Variants in REV1 observed in about 807,000 individuals in gnomAD.
REV1 encodes REV1 DNA directed polymerase.
A neutral mutation model predicts 137.4 loss-of-function variants in REV1; 42 were observed. That is an observed-to-expected ratio of 0.31 (90% CI 0.24 to 0.40). The LOEUF is 0.40. Ranked by LOEUF, REV1 falls within the 10% of genes least tolerant of loss-of-function variation. The pLI is 1.00. For missense variants in REV1, 1,282 were observed against 1,490.1 expected (o/e 0.86, Z 2.30); for synonymous variants, 524 against 519.2 (o/e 1.01, Z -0.12).
At chr2:99,438,533 T>C in intron 6 of REV1, 68 bp downstream of exon 6, 4 of 1,190,046 alleles carry the variant, frequency 3.4e-6, no homozygotes, top group African/African-American at 1.5e-5. Flanking sequence ...GAAATACCAA[T>C]AATAGCATAA....
intron 8 of REV1, 61 bp downstream of exon 8, chr2:99,434,271 A>T: frequency 9.2e-7 from 1 of 1,089,766 alleles, no homozygotes; most frequent in Middle Eastern, 2.1e-4. Context: ...ACCATGCCAA[A>T]TAGCAAAATC....
intron 12 of REV1, among the ~76,000 whole-genome samples, chr2:99,413,981 C>T (rs1262855536): frequency 6.6e-6 from 1 of 151,950 alleles, no homozygotes; most frequent in East Asian, 1.9e-4. Flanking sequence ...TGAGGTAGAC[C>T]GTCTCTATAA....
intron 9 of REV1, among the ~76,000 whole-genome samples, chr2:99,425,896 A>G (rs1048475919): frequency 6.6e-5 from 10 of 151,754 alleles, no homozygotes; most frequent in African/African-American, 2.4e-4. Flanking sequence ...ATTAGCGAGA[A>G]GTGGTGGCGC....
intron 4 of REV1, among the ~76,000 whole-genome samples, chr2:99,442,935 T>C (rs921258073): frequency 1.3e-5 from 2 of 152,238 alleles, no homozygotes; most frequent in African/African-American, 4.8e-5. Flanking sequence ...CATTTGAAGA[T>C]ATGAACTCTA....
chr2:99,419,407 TCA>T (rs1221075963), intron 11 of REV1, among the ~76,000 whole-genome samples: 2 of 152,058 alleles, frequency 1.3e-5, no homozygotes, highest in South Asian at 2.1e-4. Context: ...AGACGGGGTT[TCA>T]CCATGTTAGC....
rs1246978640 is a variant in REV1, at chr2:99,460,169, C to T, written c.181+2327G>A. ...TCGGCTCACTTCAACCTCCGCCTCCCGGGTTCAAGTGATTCTCCTGCCTCA... is the reference window on the plus strand; with the variant it reads ...TCGGCTCACTTCAACCTCCGCCTCCTGGGTTCAAGTGATTCTCCTGCCTCA... On this transcript the variant is annotated intron_variant, in intron 3 of 22. Coordinates refer to ENST00000258428, the MANE Select transcript of REV1 (RefSeq NM_016316.4). 2.6e-5 allele frequency among the ~76,000 whole-genome samples: 4 copies of T among 152,162 alleles called. No homozygotes were observed. The South Asian group carries it at 6.2e-4, about 24-fold the overall frequency.
At chr2:99,459,396 A>T (rs998883170) in intron 3 of REV1, among the ~76,000 whole-genome samples, 2 of 151,710 alleles carry the variant, frequency 1.3e-5, no homozygotes, top group African/African-American at 4.8e-5. Context: ...ACAATTATCT[A>T]AAAAAAAATT....
At chr2:99,488,939 A>C (rs1248761203) in intron 1 of REV1, among the ~76,000 whole-genome samples, 2 of 152,226 alleles carry the variant, frequency 1.3e-5, no homozygotes, top group Non-Finnish European at 2.9e-5. Context: ...AACCATTTCT[A>C]CTTAGTACAT....
chr2:99,436,634 T>A (rs1377938393), intron 6 of REV1: 5 of 152,222 alleles, frequency 3.3e-5, no homozygotes, highest in African/African-American at 1.2e-4. Flanking sequence ...GAGATAAAGG[T>A]GAGTGTCCTC....
chr2:99,426,274 G>A (rs1443016793), intron 9 of REV1, among the ~76,000 whole-genome samples: 11 of 148,996 alleles, frequency 7.4e-5, no homozygotes, highest in Admixed American at 6.7e-4. Flanking sequence ...TTGAACCTGG[G>A]AGGTGGAGGT....
intron 19 of REV1, 155 bp downstream of exon 19, chr2:99,403,540 T>TG (rs1407904826): frequency 2.1e-5 from 19 of 889,392 alleles, no homozygotes; most frequent in Non-Finnish European, 3.3e-5. Flanking sequence ...TATGATGATA[T>TG]TTACTCATAC....
In REV1 at chr2:99,402,993, G is replaced by C; in HGVS notation, c.3280C>G (p.Leu1094Val). 1.2e-6 allele frequency: 2 copies of C among 1,614,136 alleles called. No homozygotes were observed. The highest frequency in any genetic ancestry group is 1.6e-4 in the Middle Eastern group (1 of 6,062). Residue 1094 changes from leucine (L) to valine (V), a missense_variant, in exon 20 of 23, where the codon CTG (leucine) becomes GTG (valine). Transcript: ENST00000258428. ...KRIQSPLNNK[L>V]LNSPAKTLPG... ...AGAGTTTTTGCAGGACTGTTAAGCA[G>C]CTTGTTATTCAAAGGACTCTGAATC...
At chr2:99,483,013 G>A (rs1189049545) in intron 1 of REV1, among the ~76,000 whole-genome samples, 3 of 103,652 alleles carry the variant, frequency 2.9e-5, no homozygotes, top group South Asian at 3.1e-4. Flanking sequence ...GCAAAACTCC[G>A]TTTCAAAAAA....
chr2:99,488,798 T>C (rs1217111886), intron 1 of REV1, among the ~76,000 whole-genome samples: 1 of 152,210 alleles, frequency 6.6e-6, no homozygotes, highest in Non-Finnish European at 1.5e-5. Context: ...TGGCTTATTC[T>C]CGGAGACTAA....
At position 99,412,724 on chromosome 2, in the gene REV1, T is replaced by A; in HGVS notation, c.2172+7A>T. 11 of 1,607,464 alleles carry A rather than the reference T, an allele frequency of 6.8e-6. No homozygotes were observed. Among genetic ancestry groups the A allele is most frequent in the Non-Finnish European group, 9.4e-6 (11 of 1,173,940 alleles). ...ACAGATGGCAAAATCTGTTCAATGA[T>A]CAGTACCTGAGTAAACCTTATTCCA... On this transcript the variant is annotated splice_region_variant and intron_variant, in intron 13 of 22. Transcript: ENST00000258428.
chr2:99,449,408 G>A lies in REV1; in HGVS notation c.278C>T (p.Thr93Ile). The A allele has an allele frequency of 6.4e-7, 1 of 1,573,284 alleles. No individual in the cohort carries two copies. The highest frequency in any genetic ancestry group is 1.2e-5 in the South Asian group (1 of 82,690). Residue 93 changes from threonine to isoleucine, a missense_variant, in exon 4 of 23, where the codon ACA becomes ATA. Transcript: ENST00000258428. ...SRSKTTHIIATNLPNAKIKEL... is the reference protein window; with the variant it reads ...SRSKTTHIIAINLPNAKIKEL... ...TTTAATTTTGGCATTGGGAAGATTTGTGGCAATAATATGTGTTGTTTTAGA... is the reference window on the plus strand; with the variant it reads ...TTTAATTTTGGCATTGGGAAGATTTATGGCAATAATATGTGTTGTTTTAGA...
In REV1 at chr2:99,401,203, G is replaced by T; in HGVS notation, c.*38C>A. On this transcript the variant is annotated 3_prime_UTR_variant, in exon 23 of 23. Transcript: ENST00000258428. ...TGCAAATACCTCACAAGCACTTATG[G>T]CACAGCTATCAGAGAGCATCAGGCT... 2.4e-6 allele frequency: 3 copies of T among 1,270,894 alleles called. No homozygotes were observed. The highest frequency in any genetic ancestry group is 2.3e-6 in the Non-Finnish European group (2 of 869,284). The allele number at this position is 1,270,894 out of a possible 1,614,324, so 78.7% of individuals were successfully genotyped here.
intron 1 of REV1, among the ~76,000 whole-genome samples, chr2:99,479,201 C>T (rs531885342): frequency 1.3e-5 from 2 of 151,444 alleles, no homozygotes; most frequent in South Asian, 2.1e-4. Context: ...GGTGGCACTC[C>T]CCTGTAGTCC....
chr2:99,442,897 G>T (rs1036404783), intron 4 of REV1, among the ~76,000 whole-genome samples: 15 of 152,138 alleles, frequency 9.9e-5, no homozygotes, highest in African/African-American at 3.4e-4. Flanking sequence ...CTATTTTTAT[G>T]TATACAAGAA....
Sources: gnomAD v4.1 joint callset for allele counts (sites outside exome capture counted in the v4.1 genomes callset) on GRCh38, gnomAD v4.1.1 for gene constraint, MANE v1.5 for transcripts, NCBI Gene and HGNC (gene_info 2026-07-23, HGNC 2026-07-21) for gene names.